Variants in NTRK1 observed in about 807,000 individuals in gnomAD.
The protein encoded by NTRK1 is neurotrophic receptor tyrosine kinase 1, also known as high affinity nerve growth factor receptor.
A neutral mutation model predicts 86.8 loss-of-function variants in NTRK1; 62 were observed. The ratio of observed to expected loss-of-function variants is 0.71; its 90% CI spans 0.58 to 0.88. The LOEUF is 0.88. Among genes scored for constraint, NTRK1 ranks in the 40% least tolerant of loss-of-function variants. The pLI is 0.00. For synonymous variants in NTRK1, 469 were observed against 456.6 expected (o/e 1.03, Z -0.35); for missense variants, 967 against 1,078.4 (o/e 0.90, Z 1.45).
intron 2 of NTRK1, chr1:156,845,124 CG>C (rs1654944701): frequency 6.2e-7 from 1 of 1,611,188 alleles, no homozygotes. Flanking sequence ...CTGCAGCCCA[CG>C]GTGTGCGCCG....
At chr1:156,828,673 G>A (rs1036805256) in intron 1 of NTRK1, among the ~76,000 whole-genome samples, 4 of 152,238 alleles carry the variant, frequency 2.6e-5, no homozygotes, top group African/African-American at 7.2e-5. Flanking sequence ...TTCAGTATAC[G>A]GGTGACTGTG....
chr1:156,839,258 C>G (rs539377350), intron 1 of NTRK1, among the ~76,000 whole-genome samples: 72 of 152,344 alleles, frequency 4.7e-4, no homozygotes, highest in African/African-American at 1.7e-3. Context: ...AGGACAACTG[C>G]TGGCGGGCGT....
At chr1:156,846,539 T>C in intron 2 of NTRK1, 3 of 1,613,994 alleles carry the variant, frequency 1.9e-6, no homozygotes, top group Non-Finnish European at 2.5e-6. Context: ...CGTTCGGAGG[T>C]AGACGATGGG....
chr1:156,879,563 G>A (rs975170440), intron 15 of NTRK1, among the ~76,000 whole-genome samples: 1 of 152,012 alleles, frequency 6.6e-6, no homozygotes, highest in Non-Finnish European at 1.5e-5. Flanking sequence ...CAGCACCTTC[G>A]GTTTTTGCCT....
At chr1:156,869,082 TCCTTC>T (rs1647388066) in intron 6 of NTRK1, among the ~76,000 whole-genome samples, 2 of 147,742 alleles carry the variant, frequency 1.4e-5, no homozygotes, top group African/African-American at 5.0e-5. Context: ...CTTCCTTCCT[TCCTTC>T]CTTTTATGGA....
chr1:156,876,047 G>T (rs893518601), intron 12 of NTRK1, 33 bp from the exon 13 acceptor site: 2 of 1,614,076 alleles, frequency 1.2e-6, no homozygotes, highest in Non-Finnish European at 1.7e-6. Flanking sequence ...TCCCAAGACT[G>T]GGGCTACCGT....
At position 156,875,474 on chromosome 1, in the gene NTRK1, C is replaced by A. The variant is rs1647843791; in HGVS notation, c.1355-46C>A. 5 of 1,612,128 alleles carry A rather than the reference C, an allele frequency of 3.1e-6. No homozygotes were observed. The Admixed American group carries it at 8.3e-5, about 27-fold the overall frequency. On this transcript the variant is annotated intron_variant, in intron 11 of 16. Coordinates refer to ENST00000524377, the MANE Select transcript of NTRK1 (RefSeq NM_002529.4). ...ATCCTGCAGGCAAGGGTGGGCAGGG[C>A]CAAGGTGTGGGCAAACCCCTCCATG...
At chr1:156,836,298 C>T (rs1254687604) in intron 1 of NTRK1, among the ~76,000 whole-genome samples, 1 of 152,140 alleles carries the variant, frequency 6.6e-6, no homozygotes, top group African/African-American at 2.4e-5. Flanking sequence ...TAAAAAGTCC[C>T]GGGGTGTCCT....
At chr1:156,864,901 C>A in intron 3 of NTRK1, 102 bp downstream of exon 3, 1 of 1,186,476 alleles carries the variant, frequency 8.4e-7, no homozygotes, top group Non-Finnish European at 1.2e-6. Context: ...GAGGAGGGCC[C>A]AAGCCTGGTC....
intron 2 of NTRK1, among the ~76,000 whole-genome samples, chr1:156,853,385 T>C (rs1356700142): frequency 6.6e-6 from 1 of 152,188 alleles, no homozygotes; most frequent in Non-Finnish European, 1.5e-5. Context: ...TAAGTGAACA[T>C]AGCCAGTAAG....
intron 2 of NTRK1, chr1:156,853,826 C>G: frequency 1.2e-6 from 2 of 1,613,720 alleles, no homozygotes; most frequent in African/African-American, 1.3e-5. Flanking sequence ...ACAGGGCTCA[C>G]CAGCAGCACC....
chr1:156,867,023 T>C lies in NTRK1; in HGVS notation c.428+45T>C, dbSNP rs1655967626. 3 of 1,589,168 alleles carry C rather than the reference T, an allele frequency of 1.9e-6. No homozygotes were observed. In the South Asian group the frequency reaches 3.3e-5, roughly 18 times the overall value. ...GGGGCAAGAGCACCAAGTGTGTGTG[T>C]GCCTGTGTGCACTTGGGTCTGTTGG... On this transcript the variant is annotated intron_variant, in intron 4 of 16. Coordinates refer to ENST00000524377, the MANE Select transcript of NTRK1 (RefSeq NM_002529.4).
intron 14 of NTRK1, 80 bp from the exon 15 acceptor site, chr1:156,879,042 C>G (rs1043188685): frequency 6.5e-7 from 1 of 1,546,190 alleles, no homozygotes; most frequent in African/African-American, 1.4e-5. Context: ...CCATCACACG[C>G]GGCTGCTGGG....
At chr1:156,857,239 A>G (rs1655443026), upstream of NTRK1, among the ~76,000 whole-genome samples, 3 of 151,836 alleles carry the variant, frequency 2.0e-5, no homozygotes, top group South Asian at 6.2e-4. Context: ...GCAGATACAC[A>G]CACAAAAAAG....
chr1:156,828,001 G>A (rs905847315), intron 1 of NTRK1, among the ~76,000 whole-genome samples: 1 of 151,000 alleles, frequency 6.6e-6, no homozygotes, highest in African/African-American at 2.4e-5. Flanking sequence ...TTTTAGAAAT[G>A]GGGGTCTCAC....
At chr1:156,861,203 C>T in intron 1 of NTRK1, 57 bp downstream of exon 1, 1 of 1,514,522 alleles carries the variant, frequency 6.6e-7, no homozygotes, top group South Asian at 1.2e-5. Flanking sequence ...TGCAGTGCCC[C>T]GAGGGCGCGG....
chr1:156,819,063 C>T (rs1330658129), intron 1 of NTRK1, among the ~76,000 whole-genome samples: 1 of 152,112 alleles, frequency 6.6e-6, no homozygotes, highest in Admixed American at 6.6e-5. Flanking sequence ...AGTGCAATGG[C>T]GCTATCTCGG....
rs73004762 is a variant in NTRK1, at chr1:156,875,157, G to C, written c.1354+149G>C. The C allele has an allele frequency of 5.0e-4, 353 of 701,730 alleles. 1 individual carries two copies. In the African/African-American group the frequency reaches 5.6e-3, roughly 11 times the overall value. 43.5% of individuals were successfully genotyped at this position (701,730 alleles called of 1,614,324 possible). On this transcript the variant is annotated intron_variant, in intron 11 of 16. Transcript: ENST00000524377. Reference sequence around the variant, plus strand: ...TTGGGGTATAAATGAAGGCCTGGCTGTGAGGCTTGTGAGTGTGAGTGTGTG... The same window carrying C: ...TTGGGGTATAAATGAAGGCCTGGCTCTGAGGCTTGTGAGTGTGAGTGTGTG...
At chr1:156,849,935 C>G (rs1183757875) in intron 2 of NTRK1, among the ~76,000 whole-genome samples, 2 of 151,478 alleles carry the variant, frequency 1.3e-5, no homozygotes, top group Non-Finnish European at 2.9e-5. Context: ...TTTTTCCTCA[C>G]TCTGTCATCC....
Sources: gnomAD v4.1 joint callset for allele counts (sites outside exome capture counted in the v4.1 genomes callset) on GRCh38, gnomAD v4.1.1 for gene constraint, MANE v1.5 for transcripts, NCBI Gene and HGNC (gene_info 2026-07-23, HGNC 2026-07-21) for gene names.